Variants in PALM2AKAP2 observed in about 807,000 individuals in gnomAD.
The protein encoded by PALM2AKAP2 is PALM2-AKAP2 fusion protein.
A neutral mutation model predicts 71.5 loss-of-function variants in PALM2AKAP2; 37 were observed. The ratio of observed to expected loss-of-function variants is 0.52; its 90% CI spans 0.40 to 0.68. PALM2AKAP2 has a LOEUF of 0.68. PALM2AKAP2 is among the 30% of genes least tolerant of loss of function. PALM2AKAP2 has a pLI of 0.00. For missense variants in PALM2AKAP2, 1,224 were observed against 1,191.8 expected, an observed-to-expected ratio of 1.03 and a Z score of -0.40; for synonymous variants, 468 against 478.8, an observed-to-expected ratio of 0.98 and a Z score of 0.29.
At chr9:110,030,989 T>C (rs2132411690) in intron 7 of PALM2AKAP2, among the ~76,000 whole-genome samples, 1 of 152,352 alleles carries the variant, frequency 6.6e-6, no homozygotes, top group Admixed American at 6.5e-5. Flanking sequence ...TTTTTATGTC[T>C]GTTTCTGAAA....
intron 1 of PALM2AKAP2, among the ~76,000 whole-genome samples, chr9:110,056,251 G>GCTGA (rs1833838131): frequency 6.6e-6 from 1 of 152,228 alleles, no homozygotes; most frequent in Non-Finnish European, 1.5e-5. Context: ...TCCCAGTGCA[G>GCTGA]CTGACTGCGT....
In PALM2AKAP2 at chr9:110,089,213, G is replaced by C. The variant is rs536305648; in HGVS notation, c.156+40358G>C. On this transcript the variant is annotated intron_variant, in intron 1 of 3. Coordinates refer to ENST00000374525, the Ensembl canonical transcript of PALM2AKAP2. ...GAAAGGGAAACTAGATCACTTGTTGGAGAGCACATGTATGCATTTCAAAGA... is the reference window on the plus strand; with the variant it reads ...GAAAGGGAAACTAGATCACTTGTTGCAGAGCACATGTATGCATTTCAAAGA... 1.1e-4 allele frequency among the ~76,000 whole-genome samples: 17 copies of C among 152,302 alleles called. 1 individual carries two copies. The South Asian group carries it at 3.5e-3, about 32-fold the overall frequency.
At chr9:110,099,630 C>T (rs1834943924) in intron 1 of PALM2AKAP2, among the ~76,000 whole-genome samples, 1 of 152,032 alleles carries the variant, frequency 6.6e-6, no homozygotes, top group Non-Finnish European at 1.5e-5. Context: ...TAGGTTGCCC[C>T]CAGGGGGTGG....
chr9:109,890,783 T>G (rs966390847), intron 3 of PALM2AKAP2, among the ~76,000 whole-genome samples: 3 of 152,212 alleles, frequency 2.0e-5, no homozygotes, highest in African/African-American at 7.2e-5. Context: ...AATGGAGGCC[T>G]AAATGTGATT....
chr9:109,908,664 C>T (rs904115953), intron 3 of PALM2AKAP2, among the ~76,000 whole-genome samples: 2 of 152,120 alleles, frequency 1.3e-5, no homozygotes, highest in Admixed American at 6.5e-5. Flanking sequence ...ATGAATGACT[C>T]ATTGAGATAC....
At chr9:110,071,941 C>T (rs537889302) in intron 1 of PALM2AKAP2, among the ~76,000 whole-genome samples, 11 of 152,222 alleles carry the variant, frequency 7.2e-5, no homozygotes, top group African/African-American at 2.4e-4. Flanking sequence ...GTGATTTTCT[C>T]ACCATTTTGT....
intron 6 of PALM2AKAP2, among the ~76,000 whole-genome samples, chr9:110,008,087 G>T (rs1257468989): frequency 3.3e-5 from 5 of 152,190 alleles, no homozygotes; most frequent in Non-Finnish European, 5.9e-5. Flanking sequence ...AAAGGTGGTG[G>T]GAAAGTTTGA....
intron 1 of PALM2AKAP2, among the ~76,000 whole-genome samples, chr9:109,686,466 C>G (rs1382320451): frequency 6.6e-6 from 1 of 152,170 alleles, no homozygotes; most frequent in East Asian, 1.9e-4. Context: ...CCATCAAAGT[C>G]TTGGGTGACC....
intron 1 of PALM2AKAP2, among the ~76,000 whole-genome samples, chr9:109,738,274 G>T (rs1322266): frequency 0.043 from 6,494 of 152,248 alleles, 191 homozygotes; most frequent in Non-Finnish European, 0.053. Context: ...TGCCCCCAGA[G>T]CCTGCCGCTG....
chr9:110,137,585 G>T (rs1202039436), exon 2 of PALM2AKAP2: 1 of 1,614,212 alleles, frequency 6.2e-7, no homozygotes. Context: ...GGTCAAGGAT[G>T]ATGACCATGG....
intron 1 of PALM2AKAP2, among the ~76,000 whole-genome samples, chr9:110,069,446 G>A (rs939174891): frequency 6.6e-6 from 1 of 152,124 alleles, no homozygotes; most frequent in Non-Finnish European, 1.5e-5. Context: ...CATGAGACAG[G>A]TTCATTTTTA....
intron 2 of PALM2AKAP2, among the ~76,000 whole-genome samples, chr9:110,152,307 T>C (rs566835314): frequency 4.6e-5 from 7 of 152,154 alleles, no homozygotes; most frequent in African/African-American, 1.4e-4. Flanking sequence ...GATGTTCTCA[T>C]TGAAAATGGG....
chr9:109,654,539 T>C (rs1827269370), intron 1 of PALM2AKAP2, among the ~76,000 whole-genome samples: 1 of 152,244 alleles, frequency 6.6e-6, no homozygotes, highest in African/African-American at 2.4e-5. Flanking sequence ...TACATTTGGG[T>C]GAGCTAAAGC....
intron 1 of PALM2AKAP2, among the ~76,000 whole-genome samples, chr9:110,128,350 G>A (rs998550081): frequency 6.6e-6 from 1 of 152,186 alleles, no homozygotes; most frequent in South Asian, 2.1e-4. Flanking sequence ...TGCGTCCTGC[G>A]CACTGAAAAC....
chr9:109,747,431 G>A (rs1321192463), intron 1 of PALM2AKAP2, among the ~76,000 whole-genome samples: 1 of 152,010 alleles, frequency 6.6e-6, no homozygotes, highest in Non-Finnish European at 1.5e-5. Context: ...GACGTTCTTG[G>A]GGTTCCTGTC....
intron 2 of PALM2AKAP2, among the ~76,000 whole-genome samples, chr9:109,872,280 AT>A (rs905405535): frequency 6.6e-6 from 1 of 152,088 alleles, no homozygotes; most frequent in African/African-American, 2.4e-5. Flanking sequence ...GATGATATGG[AT>A]TTTTTTAAAA....
At chr9:109,685,451 T>C (rs1157114309) in intron 1 of PALM2AKAP2, among the ~76,000 whole-genome samples, 3 of 152,152 alleles carry the variant, frequency 2.0e-5, no homozygotes, top group African/African-American at 4.8e-5. Context: ...CACAAGTTTT[T>C]TTTGGTTTCC....
At chr9:110,093,772 C>T (rs1834770313) in intron 1 of PALM2AKAP2, among the ~76,000 whole-genome samples, 1 of 152,192 alleles carries the variant, frequency 6.6e-6, no homozygotes, top group Non-Finnish European at 1.5e-5. Flanking sequence ...TATTCATGCT[C>T]TCTCCTCTGC....
intron 3 of PALM2AKAP2, among the ~76,000 whole-genome samples, chr9:109,885,588 A>T (rs1829946623): frequency 6.6e-6 from 1 of 152,208 alleles, no homozygotes; most frequent in Non-Finnish European, 1.5e-5. Flanking sequence ...TGGGAAGTAA[A>T]TCATGTTTAT....
Sources: gnomAD v4.1 joint callset for allele counts (sites outside exome capture counted in the v4.1 genomes callset) on GRCh38, gnomAD v4.1.1 for gene constraint, MANE v1.5 for transcripts, NCBI Gene and HGNC (gene_info 2026-07-23, HGNC 2026-07-21) for gene names.